The following KIDINS220 variants were observed in gnomAD, a reference collection of about 807,000 sequenced individuals.
KIDINS220 encodes the protein kinase D interacting substrate 220.
Under a neutral mutation model 157.6 loss-of-function variants are expected in KIDINS220, and 63 were observed. That is an observed-to-expected ratio of 0.40 (90% CI 0.33 to 0.49). KIDINS220 has a LOEUF of 0.49. Ranked by LOEUF, KIDINS220 falls within the 20% of genes least tolerant of loss-of-function variation. KIDINS220 has a pLI of 0.66. For synonymous variants in KIDINS220, 732 were observed against 783.6 expected (o/e 0.93, Z 1.10); for missense variants, 1,772 against 2,171.2 (o/e 0.82, Z 3.65).
chr2:8,725,240 T>C (rs948228909), downstream of KIDINS220: 3 of 152,212 alleles, frequency 2.0e-5, no homozygotes, highest in Non-Finnish European at 4.4e-5. Context: ...CAAACACAGC[T>C]TTAAAAAGTG....
intron 29 of KIDINS220, among the ~76,000 whole-genome samples, chr2:8,732,576 C>T (rs559195570): frequency 6.6e-6 from 1 of 151,904 alleles, no homozygotes; most frequent in South Asian, 2.1e-4. Flanking sequence ...GCTTCAGATC[C>T]CAGAATAGCT....
intron 22 of KIDINS220, among the ~76,000 whole-genome samples, chr2:8,765,070 GAGACC>G (rs1196175286): frequency 6.6e-6 from 1 of 152,192 alleles, no homozygotes; most frequent in Non-Finnish European, 1.5e-5. Context: ...TATTTAAGAT[GAGACC>G]AGAAGAAGGA....
At chr2:8,783,922 T>A (rs1315565555) in intron 17 of KIDINS220, among the ~76,000 whole-genome samples, 1 of 151,928 alleles carries the variant, frequency 6.6e-6, no homozygotes, top group Non-Finnish European at 1.5e-5. Context: ...TCAAGGTGAA[T>A]CAAAAGTTCA....
At chr2:8,832,695 A>C (rs771397548) in intron 1 of KIDINS220, among the ~76,000 whole-genome samples, 30 of 152,194 alleles carry the variant, frequency 2.0e-4, no homozygotes, top group Non-Finnish European at 4.0e-4. Flanking sequence ...TAGAAAAAAA[A>C]ATGTTTCATC....
intron 22 of KIDINS220, among the ~76,000 whole-genome samples, chr2:8,770,121 A>C (rs569433738): frequency 6.6e-6 from 1 of 152,338 alleles, no homozygotes; most frequent in African/African-American, 2.4e-5. Flanking sequence ...CTATACACTA[A>C]GGCTGGGCAC....
At chr2:8,824,490 G>C (rs896157203) in intron 2 of KIDINS220, among the ~76,000 whole-genome samples, 1 of 152,132 alleles carries the variant, frequency 6.6e-6, no homozygotes, top group Non-Finnish European at 1.5e-5. Flanking sequence ...AGACCAGCCT[G>C]GGCAACATGG....
chr2:8,723,727 G>A (rs1048278229), downstream of KIDINS220: 2 of 152,212 alleles, frequency 1.3e-5, no homozygotes, highest in Non-Finnish European at 2.9e-5. Context: ...CAGACATTCT[G>A]TGATGGTCCT....
At chr2:8,743,718 C>T (rs914378549) in intron 26 of KIDINS220, among the ~76,000 whole-genome samples, 3 of 152,214 alleles carry the variant, frequency 2.0e-5, no homozygotes, top group Non-Finnish European at 4.4e-5. Context: ...CACATTCTAT[C>T]TGTGCCATGT....
At chr2:8,785,476 G>T (rs1284932333) in intron 17 of KIDINS220, among the ~76,000 whole-genome samples, 1 of 152,128 alleles carries the variant, frequency 6.6e-6, no homozygotes, top group Non-Finnish European at 1.5e-5. Flanking sequence ...TGCTCTGGTG[G>T]GTAATCGTGC....
rs1231385425 is a variant in KIDINS220 at position 8,736,952 on chromosome 2, A to C, written c.3633T>G (p.Asn1211Lys). The C allele has an allele frequency of 6.2e-7, 1 of 1,614,092 alleles. No individual in the cohort carries two copies. The highest frequency in any genetic ancestry group is 1.7e-5 in the Admixed American group (1 of 60,030). Residue 1211 changes from asparagine to lysine, a missense_variant, in exon 27 of 30, where the codon AAT becomes AAG. Physicochemically the swap from Asn to Lys is moderately conservative, Grantham distance 94. Around this residue, in one of 3 missense-constraint regions of KIDINS220, gnomAD observed 793 missense variants for 885.5 expected, o/e 0.90. Coordinates refer to ENST00000256707, the MANE Select transcript of KIDINS220 (RefSeq NM_020738.4). ...TCAGCTTCTCACATACTGCATCCAC[A>C]TTCAGTGAATTCAGTAATACCACTG... ...PGPVVLLNSL[N>K]VDAVCEKLKQ...
chr2:8,802,161 AATGTC>A (rs889152593), intron 8 of KIDINS220, among the ~76,000 whole-genome samples: 1 of 152,222 alleles, frequency 6.6e-6, no homozygotes, highest in African/African-American at 2.4e-5. Context: ...GGGCAAAGAC[AATGTC>A]ATGTCATGTC....
At chr2:8,834,860 G>A (rs1680180746) in intron 1 of KIDINS220, among the ~76,000 whole-genome samples, 1 of 152,028 alleles carries the variant, frequency 6.6e-6, no homozygotes. Context: ...TATTTTTATT[G>A]AGACAGGGTC....
At chr2:8,726,228 A>G, downstream of KIDINS220, among the ~76,000 whole-genome samples, 1 of 152,146 alleles carries the variant, frequency 6.6e-6, no homozygotes. Context: ...GGGAATTCAG[A>G]TCTGCCCATC....
intron 9 of KIDINS220, 91 bp downstream of exon 9, chr2:8,800,309 C>A: frequency 1.4e-6 from 1 of 739,548 alleles, no homozygotes; most frequent in Non-Finnish European, 2.2e-6. Flanking sequence ...AGTTTATCTC[C>A]ATAGGAAAGT....
At chr2:8,771,353 G>GGTTACT (rs1670206651) in intron 21 of KIDINS220, among the ~76,000 whole-genome samples, 1 of 152,172 alleles carries the variant, frequency 6.6e-6, no homozygotes, top group Non-Finnish European at 1.5e-5. Flanking sequence ...CAACTGAGTT[G>GGTTACT]TAATGTTTCT....
chr2:8,747,310 G>T, intron 25 of KIDINS220, 109 bp from the exon 26 acceptor site: 1 of 946,198 alleles, frequency 1.1e-6, no homozygotes, highest in Non-Finnish European at 1.7e-6. Flanking sequence ...AAACTCAACA[G>T]TTTATGTTTT....
intron 22 of KIDINS220, among the ~76,000 whole-genome samples, chr2:8,754,153 C>A (rs1558349893): frequency 6.6e-6 from 1 of 152,124 alleles, no homozygotes; most frequent in Non-Finnish European, 1.5e-5. Context: ...ACACAGCTGA[C>A]AAGTCACATG....
chr2:8,722,359 C>G (rs1663006849), downstream of KIDINS220: 1 of 152,248 alleles, frequency 6.6e-6, no homozygotes, highest in African/African-American at 2.4e-5. Flanking sequence ...GACACAAAGT[C>G]TAGTTTTCCC....
chr2:8,815,128 T>C (rs1676873837), intron 4 of KIDINS220, among the ~76,000 whole-genome samples: 1 of 152,136 alleles, frequency 6.6e-6, no homozygotes, highest in South Asian at 2.1e-4. Context: ...CAGCCAGGCA[T>C]GGTGGCTCAT....
Sources: gnomAD v4.1 joint callset for allele counts (sites outside exome capture counted in the v4.1 genomes callset) on GRCh38, gnomAD v4.1.1 for gene constraint, gnomAD v4.1.1 regional missense constraint, MANE v1.5 for transcripts, NCBI Gene and HGNC (gene_info 2026-07-23, HGNC 2026-07-21) for gene names.